Variants in CHST15 observed in about 807,000 individuals in gnomAD.
CHST15 encodes carbohydrate sulfotransferase 15, also known as B cell RAG associated protein (GALNAC4S-6ST).
A neutral mutation model predicts 53.6 loss-of-function variants in CHST15; 30 were observed. The observed-to-expected ratio is 0.56, with a 90% CI of 0.42 to 0.76. CHST15 has a LOEUF of 0.76. Ranked by LOEUF, CHST15 falls within the 30% of genes least tolerant of loss-of-function variation. The pLI, the probability that CHST15 is intolerant of heterozygous loss-of-function variation, is 0.00. For missense variants in CHST15, 627 were observed against 740.5 expected, an observed-to-expected ratio of 0.85 and a Z score of 1.78; for synonymous variants, 296 against 289.8, an observed-to-expected ratio of 1.02 and a Z score of -0.22.
chr10:124,086,708 C>A (rs1949441076), intron 1 of CHST15, among the ~76,000 whole-genome samples: 1 of 152,114 alleles, frequency 6.6e-6, no homozygotes, highest in Admixed American at 6.5e-5. Flanking sequence ...TAGGTTTAGA[C>A]CTCACCCAGA....
intron 3 of CHST15, among the ~76,000 whole-genome samples, chr10:124,043,096 C>G (rs1213783152): frequency 6.6e-6 from 1 of 152,178 alleles, no homozygotes; most frequent in Non-Finnish European, 1.5e-5. Flanking sequence ...ATTTCACTTG[C>G]AAACATTTAA....
At chr10:124,020,248 A>G in intron 6 of CHST15, 1 of 985,536 alleles carries the variant, frequency 1.0e-6, no homozygotes, top group Non-Finnish European at 1.2e-6. Flanking sequence ...ACTGAGTCTC[A>G]GAAAGGCTGA....
chr10:124,040,782 C>A (rs1201625679), intron 4 of CHST15, among the ~76,000 whole-genome samples: 1 of 152,256 alleles, frequency 6.6e-6, no homozygotes, highest in African/African-American at 2.4e-5. Flanking sequence ...TGTCACACCA[C>A]AAGACTACCA....
In CHST15 at chr10:124,046,201, G is replaced by T. The variant is rs770564232; in HGVS notation, c.12C>A (p.Cys4Ter). Residue 4 changes from cysteine to a stop codon, truncating the protein, a stop_gained, in exon 2 of 8, where the codon TGC (cysteine) becomes TGA (stop). Transcript: ENST00000435907. LOFTEE classifies it high-confidence loss of function. MRH[C>*]INCCIQLLPD... is the part of the protein sequence containing the mutation. ...GTAACAGCTGTATGCAGCAATTAAT[G>T]CAGTGCCTCATGGTAGTGCCAGTGC... 4 of 1,603,406 alleles carry T rather than the reference G, an allele frequency of 2.5e-6. No individual in the cohort carries two copies. In the African/African-American group the frequency reaches 5.3e-5, roughly 21 times the overall value.
At chr10:124,038,760 G>A (rs117665313) in intron 4 of CHST15, 89 bp from the exon 5 acceptor site, 33,336 of 1,369,244 alleles carry the variant, frequency 0.024, 462 homozygotes, top group Middle Eastern at 0.036. Flanking sequence ...ACCTGGCCCC[G>A]ATGCCTTCCT....
chr10:124,043,964 AGCACAGAG>A, intron 3 of CHST15, among the ~76,000 whole-genome samples: 1 of 147,946 alleles, frequency 6.8e-6, no homozygotes. Flanking sequence ...AGCAGGGAGC[AGCACAGAG>A]CAGGGAGCAG....
In CHST15 at chr10:124,019,451, C is replaced by T. The variant is rs1465960579; in HGVS notation, c.1347+1805G>A. Among the ~76,000 whole-genome samples the T allele has an allele frequency of 1.3e-5, 2 of 152,166 alleles. No individual in the cohort carries two copies. Among genetic ancestry groups the T allele is most frequent in the Non-Finnish European group, 2.9e-5 (2 of 68,024 alleles). On this transcript the variant is annotated intron_variant, in intron 6 of 7. Coordinates refer to ENST00000435907, the MANE Select transcript of CHST15 (RefSeq NM_001270764.2). The surrounding 1 kb of genome is among the most constrained non-coding windows in gnomAD (Gnocchi z 4.6). Reference sequence around the variant, plus strand: ...GTCAAGCCACACACAAATAGAGTTTCTCCGAGACCCTGTGTCCCCTGTGAC... The same window carrying T: ...GTCAAGCCACACACAAATAGAGTTTTTCCGAGACCCTGTGTCCCCTGTGAC...
At chr10:124,073,582 G>C (rs944311311) in intron 1 of CHST15, among the ~76,000 whole-genome samples, 1 of 152,120 alleles carries the variant, frequency 6.6e-6, no homozygotes, top group African/African-American at 2.4e-5. Context: ...TTCCTTAAAA[G>C]TTCACCAAAA....
Position 124,038,157 on chromosome 10 carries a change from AGT to A in CHST15, c.1190+356_1190+357del, listed in dbSNP as rs574124597. Among the ~76,000 whole-genome samples the A allele has an allele frequency of 3.8e-3, 575 of 149,476 alleles. 2 individuals are homozygous for A. The highest frequency in any genetic ancestry group is 0.014 in the African/African-American group (551 of 40,750). On this transcript the variant is annotated intron_variant, in intron 5 of 7. Transcript: ENST00000435907. ...AGTCTCACTCTGACACCCAGGCTGG[AGT>A]GCAGTTGCACCATCTTGGCCCACTG...
chr10:124,081,024 C>G (rs190593200), intron 1 of CHST15, among the ~76,000 whole-genome samples: 1 of 152,328 alleles, frequency 6.6e-6, no homozygotes, highest in East Asian at 1.9e-4. Flanking sequence ...GGCCTCCAGC[C>G]TGGGCCACTG....
At chr10:124,091,701 A>T (rs1404923919) in intron 1 of CHST15, among the ~76,000 whole-genome samples, 1 of 152,266 alleles carries the variant, frequency 6.6e-6, no homozygotes, top group East Asian at 1.9e-4. Context: ...CAACGTGAAC[A>T]AGGCGAAGGC....
rs1554903187 is a variant in CHST15, at chr10:124,021,243, G to GGGC, written c.1347+12_1347+13insGCC. ...GGGCCAGCTCGGGGGGTACGGGGGG[G>GGGC]GGGGGTACACACAGGCATGGCGTTG... On this transcript the variant is annotated intron_variant, in intron 6 of 7. Transcript: ENST00000435907. 9.1e-6 allele frequency: 14 copies of GGGC among 1,541,812 alleles called. No individual in the cohort carries two copies. Among genetic ancestry groups the GGGC allele is most frequent in the Admixed American group, 3.6e-5 (2 of 55,252 alleles).
chr10:124,064,914 G>A (rs549799706), intron 1 of CHST15, among the ~76,000 whole-genome samples: 90 of 152,104 alleles, frequency 5.9e-4, no homozygotes, highest in African/African-American at 2.1e-3. Context: ...ACTAGCATCC[G>A]CCTTAACCAG....
intron 1 of CHST15, among the ~76,000 whole-genome samples, chr10:124,080,426 C>T (rs956538154): frequency 6.6e-6 from 1 of 152,216 alleles, no homozygotes; most frequent in African/African-American, 2.4e-5. Flanking sequence ...CACTCCAGCA[C>T]ATGGCCCTTA....
intron 1 of CHST15, among the ~76,000 whole-genome samples, chr10:124,051,071 G>A (rs1335656313): frequency 1.3e-5 from 2 of 152,092 alleles, no homozygotes; most frequent in East Asian, 1.9e-4. Flanking sequence ...AGCCTCCCGA[G>A]TACTGAGATT....
At chr10:124,023,077 A>G (rs1946850475) in intron 5 of CHST15, among the ~76,000 whole-genome samples, 1 of 151,940 alleles carries the variant, frequency 6.6e-6, no homozygotes, top group African/African-American at 2.4e-5. Context: ...CCTCGGCTTT[A>G]AAATCCCTAC....
chr10:124,076,417 C>G (rs2134186317), intron 1 of CHST15, among the ~76,000 whole-genome samples: 1 of 152,342 alleles, frequency 6.6e-6, no homozygotes, highest in East Asian at 1.9e-4. Context: ...AGGCTGATGG[C>G]TCCATGAGTT....
chr10:124,010,442 C>T, intron 7 of CHST15, 103 bp from the exon 8 acceptor site: 1 of 1,429,272 alleles, frequency 7.0e-7, no homozygotes, highest in Non-Finnish European at 9.2e-7. Context: ...ACAGGAGTTT[C>T]CTTTAAGAGA....
At chr10:124,071,548 T>C (rs1948912369) in intron 1 of CHST15, among the ~76,000 whole-genome samples, 1 of 152,226 alleles carries the variant, frequency 6.6e-6, no homozygotes, top group South Asian at 2.1e-4. Context: ...TTTCATGTAG[T>C]TCAACTCGAA....
Sources: allele counts gnomAD v4.1 joint callset (sites outside exome capture counted in the v4.1 genomes callset), GRCh38; gene constraint gnomAD v4.1.1; non-coding constraint Gnocchi (gnomAD v3.1); transcripts MANE v1.5; gene names NCBI Gene and HGNC (gene_info 2026-07-23, HGNC 2026-07-21).